CNTN4: variants seen among roughly 807,000 people sequenced by gnomAD.
The protein encoded by CNTN4 is contactin-4.
CNTN4 carries 77 observed loss-of-function variants against 122.5 expected under a neutral mutation model. The observed-to-expected ratio is 0.63, with a 90% CI of 0.52 to 0.76. The LOEUF is 0.76. Ranked by LOEUF, CNTN4 falls within the 30% of genes least tolerant of loss-of-function variation. The pLI is 0.00. For synonymous variants in CNTN4, 512 were observed against 447.0 expected (o/e 1.15, Z -1.83); for missense variants, 1,256 against 1,259.1 (o/e 1.00, Z 0.04).
At chr3:2,619,640 G>T (rs1979415) in intron 4 of CNTN4, among the ~76,000 whole-genome samples, 24,131 of 152,138 alleles carry the variant, frequency 0.16, 2,284 homozygotes, top group Admixed American at 0.24. Context: ...GTAGAACTTA[G>T]TTCTAGGATA....
intron 6 of CNTN4, among the ~76,000 whole-genome samples, chr3:2,804,524 A>T (rs970885464): frequency 2.6e-5 from 4 of 152,180 alleles, no homozygotes; most frequent in Admixed American, 6.5e-5. Context: ...TATGTGAAAA[A>T]CACTTAGGAT....
intron 2 of CNTN4, among the ~76,000 whole-genome samples, chr3:2,303,073 T>TCA (rs2042581160): frequency 2.6e-5 from 4 of 152,222 alleles, no homozygotes; most frequent in African/African-American, 9.6e-5. Context: ...GTATGAAGTA[T>TCA]AGATACTGTT....
intron 13 of CNTN4, among the ~76,000 whole-genome samples, chr3:2,952,486 C>T (rs1185209022): frequency 6.6e-6 from 1 of 152,184 alleles, no homozygotes; most frequent in African/African-American, 2.4e-5. Flanking sequence ...TAACCTCTAA[C>T]CACTGTAGAG....
intron 4 of CNTN4, among the ~76,000 whole-genome samples, chr3:2,663,903 A>G (rs1251531545): frequency 6.6e-6 from 1 of 152,226 alleles, no homozygotes; most frequent in Non-Finnish European, 1.5e-5. Context: ...CAAAAAGACC[A>G]CATATTGTCT....
intron 2 of CNTN4, among the ~76,000 whole-genome samples, chr3:2,276,533 G>A (rs900511245): frequency 1.3e-5 from 2 of 152,042 alleles, no homozygotes; most frequent in East Asian, 1.9e-4. Flanking sequence ...TAAGTGGTAG[G>A]TATTTAGAAA....
intron 2 of CNTN4, among the ~76,000 whole-genome samples, chr3:2,246,206 A>T (rs962976655): frequency 6.6e-6 from 1 of 151,966 alleles, no homozygotes; most frequent in Non-Finnish European, 1.5e-5. Flanking sequence ...GGACATTCTC[A>T]TCCTGCAACT....
chr3:3,017,445 C>G (rs192474337), intron 14 of CNTN4, among the ~76,000 whole-genome samples: 2 of 152,130 alleles, frequency 1.3e-5, no homozygotes, highest in Non-Finnish European at 2.9e-5. Context: ...TGATGATAAC[C>G]TGAACAGATT....
At chr3:2,117,701 G>C (rs777371082) in intron 2 of CNTN4, among the ~76,000 whole-genome samples, 2 of 152,184 alleles carry the variant, frequency 1.3e-5, no homozygotes, top group Admixed American at 6.5e-5. Context: ...TCAGGAAATG[G>C]GGTGTAGGAC....
At chr3:2,630,216 C>G (rs374205737) in intron 4 of CNTN4, among the ~76,000 whole-genome samples, 10 of 152,302 alleles carry the variant, frequency 6.6e-5, no homozygotes, top group Admixed American at 2.0e-4. Flanking sequence ...TGGCGGATCA[C>G]TTGAGGTCAG....
intron 13 of CNTN4, among the ~76,000 whole-genome samples, chr3:2,982,625 G>GTT (rs1190535862): frequency 6.6e-6 from 1 of 152,130 alleles, no homozygotes; most frequent in African/African-American, 2.4e-5. Context: ...GAAAGAGATT[G>GTT]TTTTCTCAAA....
intron 13 of CNTN4, among the ~76,000 whole-genome samples, chr3:2,979,255 A>C (rs1037746069): frequency 2.0e-5 from 3 of 152,162 alleles, no homozygotes; most frequent in Non-Finnish European, 4.4e-5. Flanking sequence ...TGGGGCGCCT[A>C]AGCACATAGT....
intron 3 of CNTN4, among the ~76,000 whole-genome samples, chr3:2,380,815 T>C (rs1411188417): frequency 6.6e-6 from 1 of 152,054 alleles, no homozygotes; most frequent in Non-Finnish European, 1.5e-5. Flanking sequence ...AAGAGCAAAC[T>C]AGGTGTCTTT....
intron 13 of CNTN4, among the ~76,000 whole-genome samples, chr3:2,932,282 G>A (rs1472191637): frequency 2.0e-5 from 3 of 152,192 alleles, no homozygotes; most frequent in Non-Finnish European, 2.9e-5. Flanking sequence ...GGAGGCTGAG[G>A]CAGGAGAATG....
chr3:2,831,202 T>C (rs1025002950), intron 7 of CNTN4, among the ~76,000 whole-genome samples: 1 of 152,186 alleles, frequency 6.6e-6, no homozygotes, highest in Non-Finnish European at 1.5e-5. Context: ...GAGGGTAGGA[T>C]TAAAGCTTTT....
chr3:2,956,426 A>T (rs1377116913), intron 13 of CNTN4, among the ~76,000 whole-genome samples: 2 of 152,154 alleles, frequency 1.3e-5, no homozygotes, highest in African/African-American at 4.8e-5. Flanking sequence ...AAAAATAATT[A>T]AAATGGCATT....
Position 3,042,457 on chromosome 3 carries a change from G to A in CNTN4, c.2511+35G>A, listed in dbSNP as rs147167388. 5 of 1,347,092 alleles carry A rather than the reference G, an allele frequency of 3.7e-6. No homozygotes were observed. In the South Asian group the frequency reaches 4.7e-5, roughly 13 times the overall value. The allele number at this position is 1,347,092 out of a possible 1,614,324, so 83.4% of individuals were successfully genotyped here. On this transcript the variant is annotated intron_variant, in intron 21 of 24. Transcript: ENST00000418658. ...ACATATGTGCCTTGGGTCTGAAAGA[G>A]AGTCTATGCCCCTTGATAAGTCCTC...
intron 6 of CNTN4, among the ~76,000 whole-genome samples, chr3:2,793,282 T>C (rs1476414156): frequency 1.3e-5 from 2 of 152,084 alleles, no homozygotes; most frequent in South Asian, 4.1e-4. Flanking sequence ...AATCACCTTA[T>C]CTATTCATAA....
At chr3:2,452,621 T>C (rs546625308) in intron 3 of CNTN4, among the ~76,000 whole-genome samples, 33 of 152,326 alleles carry the variant, frequency 2.2e-4, no homozygotes, top group African/African-American at 7.9e-4. Flanking sequence ...CTTTTAGTGC[T>C]GTATTTTTTG....
chr3:2,216,997 C>T (rs186588400), intron 2 of CNTN4, among the ~76,000 whole-genome samples: 25 of 152,258 alleles, frequency 1.6e-4, no homozygotes, highest in Admixed American at 8.5e-4. Flanking sequence ...ATATTAAAAG[C>T]TCTTGGCCCC....
Sources: gnomAD v4.1 joint callset for allele counts (sites outside exome capture counted in the v4.1 genomes callset) on GRCh38, gnomAD v4.1.1 for gene constraint, MANE v1.5 for transcripts, NCBI Gene and HGNC (gene_info 2026-07-23, HGNC 2026-07-21) for gene names.